The following SUMF1 variants were observed in gnomAD, a reference collection of about 807,000 sequenced individuals.
SUMF1 encodes sulfatase modifying factor 1, also known as formylglycine-generating enzyme.
A neutral mutation model predicts 47.6 loss-of-function variants in SUMF1; 48 were observed. The observed-to-expected ratio is 1.01, with a 90% confidence interval of 0.80 to 1.28. SUMF1 has a LOEUF of 1.28. Ranked by LOEUF, SUMF1 falls within the 50% of genes most tolerant of loss-of-function variation. The pLI, the probability that SUMF1 is intolerant of heterozygous loss-of-function variation, is 0.00. For synonymous variants in SUMF1, 230 were observed against 192.1 expected (o/e 1.20, Z -1.63); for missense variants, 571 against 485.4 (o/e 1.18, Z -1.66).
chr3:4,317,358 T>C (rs1466409781), intron 8 of SUMF1: 1 of 746,624 alleles, frequency 1.3e-6, no homozygotes, highest in Non-Finnish European at 2.1e-6. Context: ...TAAAATTGCA[T>C]TTGAAGTAGA....
intron 9 of SUMF1, among the ~76,000 whole-genome samples, chr3:4,061,976 G>T (rs1695284156): frequency 6.6e-6 from 1 of 151,942 alleles, no homozygotes; most frequent in South Asian, 2.1e-4. Flanking sequence ...CTGTCCCACT[G>T]GACAGTTCAT....
In SUMF1 at chr3:4,418,080, T is replaced by C; in HGVS notation, c.655A>G (p.Thr219Ala). ...GTGGGCAGCCGCTTCCCTGCCCAAG[T>C]GCAGTAGGCAACCGCATCATTCCAG... ...VSWNDAVAYCTWAGKRLPTEA... is the reference protein window; with the variant it reads ...VSWNDAVAYCAWAGKRLPTEA... Residue 219 changes from threonine (T) to alanine (A), a missense_variant, in exon 5 of 9, where the codon ACT (threonine) becomes GCT (alanine). By Grantham distance (58) the Thr-to-Ala change is moderately conservative. Transcript: ENST00000272902. 3.7e-6 allele frequency: 6 copies of C among 1,614,054 alleles called. No homozygotes were observed. The highest frequency in any genetic ancestry group is 5.1e-6 in the Non-Finnish European group (6 of 1,180,016).
At chr3:4,139,750 G>A (rs1694031357) in intron 8 of SUMF1, among the ~76,000 whole-genome samples, 1 of 151,358 alleles carries the variant, frequency 6.6e-6, no homozygotes, top group South Asian at 2.1e-4. Context: ...AATTTCTAGA[G>A]AGAAGTTAGG....
intron 7 of SUMF1, among the ~76,000 whole-genome samples, chr3:4,384,392 T>C (rs1170800374): frequency 1.3e-5 from 2 of 152,218 alleles, no homozygotes; most frequent in Non-Finnish European, 2.9e-5. Flanking sequence ...AACCAGGATG[T>C]TGACACTGAC....
intron 7 of SUMF1, among the ~76,000 whole-genome samples, chr3:4,390,542 T>C (rs937685592): frequency 7.2e-5 from 11 of 152,204 alleles, no homozygotes; most frequent in Non-Finnish European, 1.5e-4. Flanking sequence ...TTAGCATTTC[T>C]GGGTTGCTTG....
chr3:4,407,021 T>A (rs373520935), intron 7 of SUMF1, among the ~76,000 whole-genome samples: 108 of 152,234 alleles, frequency 7.1e-4, no homozygotes, highest in African/African-American at 2.5e-3. Flanking sequence ...ATTTACTAGG[T>A]TGTATCTGTG....
intron 8 of SUMF1, among the ~76,000 whole-genome samples, chr3:4,183,036 C>A (rs186907030): frequency 6.6e-6 from 1 of 152,072 alleles, no homozygotes; most frequent in East Asian, 1.9e-4. Context: ...TTTCTGCTAT[C>A]GGCCAACTGG....
chr3:4,271,465 CTATAGATAGATA>C (rs1431526224), intron 8 of SUMF1, among the ~76,000 whole-genome samples: 1 of 135,886 alleles, frequency 7.4e-6, no homozygotes, highest in South Asian at 2.5e-4. Flanking sequence ...TTTATACTAT[CTATAGATAGATA>C]GATAGATAGA....
downstream of SUMF1, among the ~76,000 whole-genome samples, chr3:4,358,347 G>C (rs1623583): frequency 6.6e-6 from 1 of 151,942 alleles, no homozygotes; most frequent in African/African-American, 2.4e-5. Flanking sequence ...AACTCTAGAT[G>C]TAAGAGTTCC....
At chr3:4,157,559 T>C (rs1408890381) in intron 8 of SUMF1, among the ~76,000 whole-genome samples, 1 of 151,544 alleles carries the variant, frequency 6.6e-6, no homozygotes, top group Non-Finnish European at 1.5e-5. Context: ...CACATATCAC[T>C]GGAAGGGCAA....
rs367852826 is a variant in SUMF1, at chr3:4,296,909, T to A, written c.1014+79421A>T. ...AGAATTTATTATAATAATATAGTTATGTAATGTGAATCGAAAAAGAGACTG... is the reference window on the plus strand; with the variant it reads ...AGAATTTATTATAATAATATAGTTAAGTAATGTGAATCGAAAAAGAGACTG... On this transcript the variant is annotated intron_variant and NMD_transcript_variant, in intron 8 of 12. Transcript: ENST00000448413. Among the ~76,000 whole-genome samples, 11 of 152,328 alleles carry A rather than the reference T, an allele frequency of 7.2e-5. 2 individuals carry two copies. Among genetic ancestry groups the A allele is most frequent in the Admixed American group, 6.5e-5 (1 of 15,308 alleles).
intron 1 of SUMF1, among the ~76,000 whole-genome samples, chr3:4,463,588 G>C (rs1306994944): frequency 3.3e-5 from 5 of 152,248 alleles, no homozygotes; most frequent in Admixed American, 3.3e-4. Flanking sequence ...TGGGAACTGA[G>C]AGGATAGAAA....
intron 8 of SUMF1, among the ~76,000 whole-genome samples, chr3:4,285,594 T>A (rs909701137): frequency 6.6e-6 from 1 of 152,190 alleles, no homozygotes; most frequent in African/African-American, 2.4e-5. Context: ...TCTCTAGTAC[T>A]TAGTACTTTC....
At chr3:4,380,652 A>T (rs531376648) in intron 7 of SUMF1, among the ~76,000 whole-genome samples, 39 of 152,324 alleles carry the variant, frequency 2.6e-4, no homozygotes, top group African/African-American at 9.4e-4. Context: ...ACCAGGCAGG[A>T]ACCATCGTGA....
At chr3:4,315,570 A>T (rs1187239657) in intron 8 of SUMF1, among the ~76,000 whole-genome samples, 1 of 152,164 alleles carries the variant, frequency 6.6e-6, no homozygotes, top group Admixed American at 6.5e-5. Context: ...TTCCTAAGGT[A>T]AGAGTCAAAG....
At chr3:4,190,597 A>G (rs1343808786) in intron 8 of SUMF1, among the ~76,000 whole-genome samples, 2 of 152,240 alleles carry the variant, frequency 1.3e-5, no homozygotes, top group African/African-American at 4.8e-5. Context: ...CTCTGCATCC[A>G]TTGATCACCT....
intron 1 of SUMF1, among the ~76,000 whole-genome samples, chr3:4,459,406 G>GA (rs1286206595): frequency 1.3e-5 from 2 of 151,980 alleles, no homozygotes; most frequent in African/African-American, 2.4e-5. Flanking sequence ...GGACTAGTTG[G>GA]AAAAAAAGAG....
chr3:4,164,365 G>T (rs1036589102), intron 8 of SUMF1, among the ~76,000 whole-genome samples: 1 of 152,166 alleles, frequency 6.6e-6, no homozygotes. Flanking sequence ...TGAGGGTGAT[G>T]ACATGAGCTG....
intron 8 of SUMF1, among the ~76,000 whole-genome samples, chr3:4,265,913 G>A (rs1051645107): frequency 5.3e-5 from 8 of 152,016 alleles, no homozygotes; most frequent in Admixed American, 3.3e-4. Context: ...TGTATAAGGT[G>A]TAAGGAAGGG....
Sources: gnomAD v4.1 joint callset for allele counts (sites outside exome capture counted in the v4.1 genomes callset) on GRCh38, gnomAD v4.1.1 for gene constraint, MANE v1.5 for transcripts, NCBI Gene and HGNC (gene_info 2026-07-23, HGNC 2026-07-21) for gene names.